Variants in NAV2 observed in about 807,000 individuals in gnomAD.
NAV2 encodes neuron navigator 2.
In NAV2, 54 loss-of-function variants were observed where a neutral mutation model predicts 223.2. That is an observed-to-expected ratio of 0.24 (90% confidence interval 0.19 to 0.30). The LOEUF is 0.30. Ranked by LOEUF, NAV2 falls within the 10% of genes least tolerant of loss-of-function variation. The pLI, the probability that NAV2 is intolerant of heterozygous loss-of-function variation, is 1.00. For synonymous variants in NAV2, 1,279 were observed against 1,239.3 expected (o/e 1.03, Z -0.67); for missense variants, 2,806 against 3,147.5 (o/e 0.89, Z 2.60).
intron 1 of NAV2, among the ~76,000 whole-genome samples, chr11:19,450,916 G>T (rs961141473): frequency 5.9e-5 from 9 of 152,182 alleles, no homozygotes; most frequent in Non-Finnish European, 1.3e-4. Context: ...GGGTGATCCT[G>T]TGGGTCTGCT....
chr11:19,688,184 CT>C lies in NAV2; in HGVS notation c.76-144298del, dbSNP rs1252647607. ...AGAAGCAAAGAATCCCAATTACAGC[CT>C]TGAATTGCATGATTATGAAGCCCCT... On this transcript the variant is annotated intron_variant, in intron 1 of 37. Transcript: ENST00000360655. Among the ~76,000 whole-genome samples the C allele has an allele frequency of 2.1e-4, 32 of 152,174 alleles. 2 individuals are homozygous for C. Among genetic ancestry groups the C allele is most frequent in the Non-Finnish European group, 1.5e-5 (1 of 68,032 alleles).
chr11:19,440,575 A>C (rs1851366044), intron 1 of NAV2, among the ~76,000 whole-genome samples: 1 of 152,156 alleles, frequency 6.6e-6, no homozygotes, highest in African/African-American at 2.4e-5. Flanking sequence ...TCATTCTTGC[A>C]TTGAACATTT....
intron 1 of NAV2, among the ~76,000 whole-genome samples, chr11:19,357,688 T>G (rs1282577547): frequency 6.6e-6 from 1 of 152,240 alleles, no homozygotes; most frequent in Non-Finnish European, 1.5e-5. Flanking sequence ...TGGTTTAAAC[T>G]TGTGTTATGC....
chr11:20,065,838 A>C (rs1258990356), intron 20 of NAV2, among the ~76,000 whole-genome samples: 1 of 152,232 alleles, frequency 6.6e-6, no homozygotes, highest in Non-Finnish European at 1.5e-5. Flanking sequence ...TAGTGGTTAC[A>C]TTCTCACCAT....
intron 14 of NAV2, 94 bp downstream of exon 14, chr11:20,045,764 T>C: frequency 9.3e-7 from 1 of 1,079,372 alleles, no homozygotes; most frequent in African/African-American, 1.6e-5. Context: ...CCTCTGTTTT[T>C]CTCCACTTTA....
Position 20,007,430 on chromosome 11 carries a change from G to C in NAV2, c.2768+23183G>C, listed in dbSNP as rs925532655. On this transcript the variant is annotated intron_variant, in intron 11 of 37. Transcript: ENST00000349880. ...TCCTGGAGGTGCAGGGCAAGTTTGA[G>C]AGGACCTTTGAGTGGCCTTGAGGCT... is the stretch of plus-strand genomic sequence containing the variant. Among the ~76,000 whole-genome samples the C allele has an allele frequency of 2.0e-5, 3 of 152,368 alleles. No homozygotes were observed. The East Asian group carries it at 5.8e-4, about 29-fold the overall frequency.
upstream of NAV2, among the ~76,000 whole-genome samples, chr11:19,347,905 C>T (rs1263112890): frequency 6.6e-6 from 1 of 152,172 alleles, no homozygotes; most frequent in Non-Finnish European, 1.5e-5. Context: ...TCTGCCCAGT[C>T]AGGAAATAGA....
intron 1 of NAV2, among the ~76,000 whole-genome samples, chr11:19,567,798 A>T (rs1257801164): frequency 6.6e-6 from 1 of 152,164 alleles, no homozygotes; most frequent in Non-Finnish European, 1.5e-5. Flanking sequence ...TTTCAAAAAG[A>T]AAATCCTCCA....
intron 6 of NAV2, among the ~76,000 whole-genome samples, chr11:19,922,016 G>C (rs1051289250): frequency 1.3e-5 from 2 of 152,170 alleles, no homozygotes; most frequent in South Asian, 4.1e-4. Flanking sequence ...AGCTGCTCTG[G>C]TAGAAGTGGA....
intron 1 of NAV2, among the ~76,000 whole-genome samples, chr11:19,828,037 G>A (rs539986988): frequency 6.6e-6 from 1 of 152,270 alleles, no homozygotes; most frequent in South Asian, 2.1e-4. Flanking sequence ...CCAGCTACTC[G>A]GGAGGCTGAA....
Position 19,459,066 on chromosome 11 carries a change from A to G in NAV2, c.75+108039A>G, listed in dbSNP as rs114832133. On this transcript the variant is annotated intron_variant, in intron 1 of 37. Coordinates refer to the NAV2 transcript ENST00000360655. ...GCTGGGGTCCTTGTTGCTCAGGCCTAGAAAATGCTAAAGGCAGGGAAGAGC... is the reference window on the plus strand; with the variant it reads ...GCTGGGGTCCTTGTTGCTCAGGCCTGGAAAATGCTAAAGGCAGGGAAGAGC... Among the ~76,000 whole-genome samples, 1,314 of 152,354 alleles carry G rather than the reference A, an allele frequency of 8.6e-3. 22 individuals are homozygous for G. Among genetic ancestry groups the G allele is most frequent in the African/African-American group, 0.03 (1,249 of 41,588 alleles).
At chr11:19,460,994 C>T (rs1233787084) in intron 1 of NAV2, among the ~76,000 whole-genome samples, 1 of 152,180 alleles carries the variant, frequency 6.6e-6, no homozygotes, top group Non-Finnish European at 1.5e-5. Flanking sequence ...TAGAATTAAA[C>T]TCAGGTCTGA....
In NAV2 at chr11:20,108,888, G is replaced by T. The variant is rs183303137; in HGVS notation, c.6960+1106G>T. Reference sequence around the variant, plus strand: ...GTTCTGTAGGCTTTTAACACTCACAGTTAGTAATCAGCAGACATCACATGT... The same window carrying T: ...GTTCTGTAGGCTTTTAACACTCACATTTAGTAATCAGCAGACATCACATGT... On this transcript the variant is annotated intron_variant, in intron 36 of 37. Transcript: ENST00000349880. Among the ~76,000 whole-genome samples, 78 of 152,334 alleles carry T rather than the reference G, an allele frequency of 5.1e-4. 1 individual carries two copies. Among genetic ancestry groups the T allele is most frequent in the Middle Eastern group, 6.8e-3 (2 of 294 alleles).
intron 7 of NAV2, among the ~76,000 whole-genome samples, chr11:19,937,514 T>G (rs142161816): frequency 2.0e-3 from 307 of 152,238 alleles, no homozygotes; most frequent in African/African-American, 7.0e-3. Flanking sequence ...TTACTAAGAG[T>G]TGTGTGTCAC....
At chr11:19,786,405 T>A (rs73433685) in intron 1 of NAV2, among the ~76,000 whole-genome samples, 3 of 152,156 alleles carry the variant, frequency 2.0e-5, no homozygotes, top group Admixed American at 6.5e-5. Flanking sequence ...GCTCCTGGCA[T>A]ACACTAAGTG....
chr11:20,057,265 C>G (rs183240551), intron 19 of NAV2, among the ~76,000 whole-genome samples: 1 of 152,312 alleles, frequency 6.6e-6, no homozygotes, highest in East Asian at 1.9e-4. Flanking sequence ...CTGCTTTTGC[C>G]TAGTGTTCTT....
chr11:20,018,564 T>C (rs992939208), intron 11 of NAV2, among the ~76,000 whole-genome samples: 1 of 152,042 alleles, frequency 6.6e-6, no homozygotes, highest in Non-Finnish European at 1.5e-5. Context: ...CTAAAGTCCT[T>C]GGAAGTACTA....
chr11:19,422,611 G>C (rs1363955277), intron 1 of NAV2, among the ~76,000 whole-genome samples: 1 of 149,868 alleles, frequency 6.7e-6, no homozygotes, highest in East Asian at 2.0e-4. Flanking sequence ...CTCTCTCTCT[G>C]TTGTTCTGCG....
At chr11:19,570,336 C>A (rs2045389427) in intron 1 of NAV2, among the ~76,000 whole-genome samples, 1 of 152,184 alleles carries the variant, frequency 6.6e-6, no homozygotes, top group Non-Finnish European at 1.5e-5. Flanking sequence ...AGATGTAAAA[C>A]ACTTAACACA....
Sources: allele counts gnomAD v4.1 joint callset (sites outside exome capture counted in the v4.1 genomes callset), GRCh38; gene constraint gnomAD v4.1.1; transcripts MANE v1.5; gene names NCBI Gene and HGNC (gene_info 2026-07-23, HGNC 2026-07-21).